Variants in LRRC4C observed in about 807,000 individuals in gnomAD.
LRRC4C encodes the protein leucine rich repeat containing 4C, also known as leucine-rich repeat-containing protein 4C.
A neutral mutation model predicts 33.6 loss-of-function variants in LRRC4C; 5 were observed. That is an observed-to-expected ratio of 0.15 (90% CI 0.08 to 0.31). The LOEUF is 0.31. Ranked by LOEUF, LRRC4C falls within the 10% of genes least tolerant of loss-of-function variation. The pLI, the probability that LRRC4C is intolerant of heterozygous loss-of-function variation, is 1.00. For synonymous variants in LRRC4C, 329 were observed against 302.0 expected (o/e 1.09, Z -0.93); for missense variants, 560 against 796.7 (o/e 0.70, Z 3.58).
intron 4 of LRRC4C, among the ~76,000 whole-genome samples, chr11:40,260,907 G>T (rs1267001236): frequency 4.6e-5 from 7 of 152,006 alleles, no homozygotes; most frequent in Admixed American, 2.6e-4. Flanking sequence ...TAGAGACAGG[G>T]TCTTGCTCTG....
At chr11:40,554,208 A>G (rs1325816758) in intron 3 of LRRC4C, among the ~76,000 whole-genome samples, 4 of 152,100 alleles carry the variant, frequency 2.6e-5, no homozygotes, top group Non-Finnish European at 5.9e-5. Context: ...TCCTTTCACC[A>G]TGTTTATTTT....
intron 3 of LRRC4C, among the ~76,000 whole-genome samples, chr11:40,465,488 G>T (rs1333882266): frequency 6.6e-6 from 1 of 151,790 alleles, no homozygotes; most frequent in Non-Finnish European, 1.5e-5. Flanking sequence ...CAGTGTAAAA[G>T]ACATAATCAA....
intron 2 of LRRC4C, among the ~76,000 whole-genome samples, chr11:40,876,889 G>A (rs1013818481): frequency 8.4e-5 from 11 of 130,316 alleles, no homozygotes; most frequent in African/African-American, 1.7e-4. Flanking sequence ...GCAACAGAGC[G>A]AGGCTCTTTC....
chr11:41,215,380 C>T (rs943966896), intron 1 of LRRC4C, among the ~76,000 whole-genome samples: 5 of 149,286 alleles, frequency 3.3e-5, no homozygotes, highest in Admixed American at 6.8e-5. Context: ...CCCAGCTACT[C>T]GGGAGGCTGA....
At chr11:41,028,570 GACACACACAC>G (rs57827895) in intron 1 of LRRC4C, among the ~76,000 whole-genome samples, 3,831 of 147,050 alleles carry the variant, frequency 0.026, 58 homozygotes, top group Non-Finnish European at 0.033. Flanking sequence ...TAGTATTCAC[GACACACACAC>G]ACACACACAC....
At chr11:40,601,866 C>A (rs1158211893) in intron 3 of LRRC4C, among the ~76,000 whole-genome samples, 1 of 152,000 alleles carries the variant, frequency 6.6e-6, no homozygotes, top group African/African-American at 2.4e-5. Flanking sequence ...TAATGTACAG[C>A]TAACATGCCT....
At chr11:40,431,444 G>C (rs1950932583) in intron 3 of LRRC4C, among the ~76,000 whole-genome samples, 1 of 151,130 alleles carries the variant, frequency 6.6e-6, no homozygotes, top group Non-Finnish European at 1.5e-5. Flanking sequence ...GTATTTTGAG[G>C]TTTGTCCATT....
chr11:41,021,156 T>TGAGAGAGAGAGA (rs71060991), intron 1 of LRRC4C, among the ~76,000 whole-genome samples: 1 of 127,092 alleles, frequency 7.9e-6, no homozygotes, highest in South Asian at 2.7e-4. Context: ...ATCGTGCATC[T>TGAGAGAGAGAGA]GAGAGAGAGA....
chr11:41,455,199 T>C (rs1002371906), intron 1 of LRRC4C, among the ~76,000 whole-genome samples: 1 of 152,100 alleles, frequency 6.6e-6, no homozygotes, highest in Non-Finnish European at 1.5e-5. Flanking sequence ...TATAAATGTA[T>C]ATTTTATTTA....
At chr11:40,953,920 T>C (rs182816868) in intron 1 of LRRC4C, among the ~76,000 whole-genome samples, 1 of 152,032 alleles carries the variant, frequency 6.6e-6, no homozygotes, top group East Asian at 1.9e-4. Context: ...GTACATGATA[T>C]AATTCTTAAC....
At chr11:41,128,450 G>A (rs924871107) in intron 1 of LRRC4C, among the ~76,000 whole-genome samples, 1 of 152,070 alleles carries the variant, frequency 6.6e-6, no homozygotes, top group Non-Finnish European at 1.5e-5. Flanking sequence ...AGATATGACA[G>A]TGCTTGCTAC....
intron 1 of LRRC4C, among the ~76,000 whole-genome samples, chr11:41,215,068 T>G (rs1946997556): frequency 6.7e-6 from 1 of 149,292 alleles, no homozygotes; most frequent in Admixed American, 6.7e-5. Context: ...TTTACTGAGA[T>G]ATAATTTATA....
chr11:40,247,339 G>A (rs1034501019), intron 4 of LRRC4C, among the ~76,000 whole-genome samples: 10 of 152,108 alleles, frequency 6.6e-5, no homozygotes, highest in African/African-American at 2.4e-4. Context: ...CTACCAGGAA[G>A]GCTAGAATCT....
At chr11:40,177,146 G>A (rs2135483950) in intron 5 of LRRC4C, among the ~76,000 whole-genome samples, 1 of 151,538 alleles carries the variant, frequency 6.6e-6, no homozygotes, top group Middle Eastern at 3.4e-3. Context: ...GAGGAGACGG[G>A]GTTTCATTGT....
intron 3 of LRRC4C, among the ~76,000 whole-genome samples, chr11:40,646,617 C>CT (rs1942476060): frequency 6.6e-6 from 1 of 152,088 alleles, no homozygotes; most frequent in Non-Finnish European, 1.5e-5. Flanking sequence ...CTCTCTCTCT[C>CT]TTTTTTGGAG....
intron 3 of LRRC4C, among the ~76,000 whole-genome samples, chr11:40,328,551 C>T (rs1237907536): frequency 6.6e-6 from 1 of 152,068 alleles, no homozygotes; most frequent in African/African-American, 2.4e-5. Context: ...TCTGGGACTT[C>T]TCTAAGGCAG....
intron 2 of LRRC4C, among the ~76,000 whole-genome samples, chr11:40,805,528 T>C (rs1353951656): frequency 1.3e-5 from 2 of 152,322 alleles, no homozygotes; most frequent in South Asian, 2.1e-4. Context: ...GTAAATATTC[T>C]AGTGATAGAC....
chr11:40,212,824 G>T (rs548359266), intron 5 of LRRC4C, among the ~76,000 whole-genome samples: 71 of 152,264 alleles, frequency 4.7e-4, no homozygotes, highest in African/African-American at 1.6e-3. Flanking sequence ...TTCAGACTCT[G>T]TGTGCTTAGC....
At chr11:40,444,471 G>A (rs1238090820) in intron 3 of LRRC4C, among the ~76,000 whole-genome samples, 1 of 150,914 alleles carries the variant, frequency 6.6e-6, no homozygotes, top group Non-Finnish European at 1.5e-5. Flanking sequence ...TTCCGAATAA[G>A]CATCTATTGA....
Sources: gnomAD v4.1 joint callset for allele counts (sites outside exome capture counted in the v4.1 genomes callset) on GRCh38, gnomAD v4.1.1 for gene constraint, MANE v1.5 for transcripts, NCBI Gene and HGNC (gene_info 2026-07-23, HGNC 2026-07-21) for gene names.